The following COLEC10 variants were observed in gnomAD, a reference collection of about 807,000 sequenced individuals.
The protein encoded by COLEC10 is collectin-10.
COLEC10 carries 22 observed loss-of-function variants against 28.4 expected under a neutral mutation model. That is an observed-to-expected ratio of 0.78 (90% CI 0.55 to 1.11). COLEC10 has a LOEUF of 1.11. Ranked by LOEUF, COLEC10 falls within the 50% of genes least tolerant of loss-of-function variation. COLEC10 has a pLI of 0.00. For synonymous variants in COLEC10, 125 were observed against 116.1 expected (o/e 1.08, Z -0.49); for missense variants, 361 against 344.1 (o/e 1.05, Z -0.39).
chr8:119,097,667 T>A (rs186654848), intron 3 of COLEC10, among the ~76,000 whole-genome samples: 18 of 152,212 alleles, frequency 1.2e-4, no homozygotes, highest in Non-Finnish European at 2.4e-4. Flanking sequence ...TGTCCCTATC[T>A]GTATCAACTT....
At chr8:119,055,885 C>T (rs1814751907) in intron 2 of COLEC10, among the ~76,000 whole-genome samples, 1 of 151,930 alleles carries the variant, frequency 6.6e-6, no homozygotes, top group Admixed American at 6.6e-5. Context: ...TTTTTGAGCT[C>T]TCATTCACTC....
upstream of COLEC10, among the ~76,000 whole-genome samples, chr8:119,065,015 G>GA (rs1360325500): frequency 6.6e-6 from 1 of 152,126 alleles, no homozygotes; most frequent in African/African-American, 2.4e-5. Flanking sequence ...TACTGCTTAT[G>GA]AAAAAATCAG....
chr8:118,964,489 T>A, the COLEC10 span, among the ~76,000 whole-genome samples: 6 of 152,138 alleles, frequency 3.9e-5, 1 homozygote, highest in Admixed American at 3.9e-4. Context: ...AAGGTGTCAA[T>A]GAGCTTTAAT....
In COLEC10 at chr8:119,098,535, G is replaced by A. The variant is rs749374522; in HGVS notation, c.293-3813G>A. Among the ~76,000 whole-genome samples the A allele has an allele frequency of 1.7e-4, 26 of 151,932 alleles. 1 individual carries two copies. The highest frequency in any genetic ancestry group is 3.2e-4 in the Non-Finnish European group (22 of 67,936). ...TTCTTGGGAGAACAAATGAATGAAA[G>A]GTTCACTGGATTTGTTTGTTTAAAT... On this transcript the variant is annotated intron_variant, in intron 3 of 5. Coordinates refer to ENST00000332843, the MANE Select transcript of COLEC10 (RefSeq NM_006438.5).
At chr8:119,053,889 G>GT (rs988553309) in intron 2 of COLEC10, among the ~76,000 whole-genome samples, 2 of 151,830 alleles carry the variant, frequency 1.3e-5, no homozygotes, top group African/African-American at 4.8e-5. Flanking sequence ...TATATACTAT[G>GT]TTTTTTTCTA....
upstream of COLEC10, chr8:119,063,335 T>C (rs917064993): frequency 3.3e-5 from 5 of 152,190 alleles, no homozygotes; most frequent in African/African-American, 9.7e-5. Context: ...CGGACCTTTA[T>C]TATCTCATAC....
chr8:119,051,541 G>C (rs1374623449), intron 2 of COLEC10, among the ~76,000 whole-genome samples: 1 of 152,188 alleles, frequency 6.6e-6, no homozygotes, highest in Non-Finnish European at 1.5e-5. Context: ...ACAAGCAAGA[G>C]CGCCTGGCAC....
chr8:119,051,632 G>C (rs1380450409), intron 2 of COLEC10, among the ~76,000 whole-genome samples: 1 of 152,156 alleles, frequency 6.6e-6, no homozygotes, highest in African/African-American at 2.4e-5. Context: ...ATAAAAGATT[G>C]TGAAACTTAA....
At chr8:118,953,945 G>T in the COLEC10 span, among the ~76,000 whole-genome samples, 1 of 152,136 alleles carries the variant, frequency 6.6e-6, no homozygotes, top group African/African-American at 2.4e-5. Flanking sequence ...TTATTATAAA[G>T]ATTGAATTAG....
At chr8:118,996,022 C>A (rs1199693040) in intron 1 of COLEC10, among the ~76,000 whole-genome samples, 2 of 152,050 alleles carry the variant, frequency 1.3e-5, no homozygotes, top group African/African-American at 4.8e-5. Context: ...AACTTTGCAC[C>A]TGTTGAACAG....
At chr8:118,968,508 C>G in the COLEC10 span, among the ~76,000 whole-genome samples, 1 of 151,864 alleles carries the variant, frequency 6.6e-6, no homozygotes, top group Middle Eastern at 3.2e-3. Flanking sequence ...TCCATAGTCT[C>G]TAGGCTCCAC....
At chr8:119,020,432 G>A (rs1226027537) in intron 2 of COLEC10, among the ~76,000 whole-genome samples, 1 of 152,090 alleles carries the variant, frequency 6.6e-6, no homozygotes, top group African/African-American at 2.4e-5. Flanking sequence ...AAAAACTAAA[G>A]AATTGGTTTC....
chr8:119,054,252 T>C lies in COLEC10; in HGVS notation n.236-35428T>C, dbSNP rs75100821. On this transcript the variant is annotated intron_variant and non_coding_transcript_variant, in intron 2 of 6. Transcript: ENST00000521788. ...TTTAAAAACCTATGAATTGCTTATT[T>C]CTGGAATTTTCCATTTAATATTTTC... Among the ~76,000 whole-genome samples, 535 of 152,226 alleles carry C rather than the reference T, an allele frequency of 3.5e-3. 3 individuals carry two copies. The highest frequency in any genetic ancestry group is 0.012 in the African/African-American group (501 of 41,552).
chr8:119,036,657 C>T (rs1300898104), intron 2 of COLEC10, among the ~76,000 whole-genome samples: 5 of 152,054 alleles, frequency 3.3e-5, no homozygotes, highest in Admixed American at 3.3e-4. Flanking sequence ...ACTTGGGATA[C>T]AACAAAGGGG....
intron 1 of COLEC10, among the ~76,000 whole-genome samples, chr8:119,081,443 C>T (rs1378339601): frequency 1.3e-5 from 2 of 152,074 alleles, no homozygotes; most frequent in Admixed American, 6.6e-5. Flanking sequence ...TAGTGTTTTT[C>T]TCCCTTATCA....
intron 3 of COLEC10, among the ~76,000 whole-genome samples, chr8:119,099,919 T>C (rs77159638): frequency 0.031 from 4,730 of 152,254 alleles, 274 homozygotes; most frequent in African/African-American, 0.11. Context: ...GCACTTGATT[T>C]ATGCTTCTTT....
chr8:119,049,001 C>CT (rs1247861707), intron 2 of COLEC10, among the ~76,000 whole-genome samples: 1 of 152,142 alleles, frequency 6.6e-6, no homozygotes, highest in Non-Finnish European at 1.5e-5. Context: ...TTAGCACTCC[C>CT]TTAAGGACCT....
At chr8:118,983,413 A>T in the COLEC10 span, among the ~76,000 whole-genome samples, 1 of 152,140 alleles carries the variant, frequency 6.6e-6, no homozygotes, top group Non-Finnish European at 1.5e-5. Flanking sequence ...CATACTCTTC[A>T]TGAACCCAGT....
intron 3 of COLEC10, among the ~76,000 whole-genome samples, chr8:119,099,041 G>A (rs1815772064): frequency 6.6e-6 from 1 of 152,038 alleles, no homozygotes; most frequent in Admixed American, 6.6e-5. Context: ...AGAAATAATA[G>A]TGATTTAGTA....
Sources: gnomAD v4.1 joint callset for allele counts (sites outside exome capture counted in the v4.1 genomes callset) on GRCh38, gnomAD v4.1.1 for gene constraint, MANE v1.5 for transcripts, NCBI Gene and HGNC (gene_info 2026-07-23, HGNC 2026-07-21) for gene names.